The following ZPR1 variants were observed in gnomAD, a reference collection of about 807,000 sequenced individuals.
ZPR1 encodes zinc finger protein ZPR1.
Under a neutral mutation model 59.6 loss-of-function variants are expected in ZPR1, and 37 were observed. The observed-to-expected ratio is 0.62, with a 90% CI of 0.48 to 0.82. The LOEUF (loss-of-function observed/expected upper bound fraction) is 0.82, where lower values mean the gene tolerates loss of function less well. ZPR1 is among the 40% of genes least tolerant of loss of function. The probability of loss-of-function intolerance (pLI) is 0.00; values close to 1 mark genes in which losing one functional copy is unlikely to be tolerated. For synonymous variants in ZPR1, 191 were observed against 215.2 expected, an observed-to-expected ratio of 0.89 and a Z score of 0.99; for missense variants, 527 against 579.9, an observed-to-expected ratio of 0.91 and a Z score of 0.94.
Position 116,786,973 on chromosome 11 carries a change from T to A in ZPR1, c.420A>T (p.Lys140Asn), listed in dbSNP as rs1014776609. The A allele has an allele frequency of 1.2e-6, 2 of 1,614,002 alleles. No individual in the cohort carries two copies. The highest frequency in any genetic ancestry group is 1.7e-5 in the Admixed American group (1 of 60,032). Residue 140 changes from lysine to asparagine, a missense_variant, in exon 3 of 14, where the codon AAA becomes AAT. Transcript: ENST00000227322. ...ATACTCTGATCTTAAACTTACCTCC[T>A]TTCTGGCTAAAGGCAGGAATTTCAA... The part of the protein sequence containing the change: ...LDFEIPAFSQ[K>N]GALTTVEGLI...
intron 2 of ZPR1, 154 bp from the exon 3 acceptor site, chr11:116,787,213 G>A (rs1420331100): frequency 1.8e-5 from 13 of 725,804 alleles, no homozygotes; most frequent in Non-Finnish European, 2.8e-5. Flanking sequence ...GAATAGTACA[G>A]GTGGTGTGAG....
chr11:116,787,964 T>C lies in ZPR1; in HGVS notation c.27A>G (p.Pro9=). The C allele has an allele frequency of 5.5e-6, 8 of 1,452,012 alleles. No individual in the cohort carries two copies. The highest frequency in any genetic ancestry group is 7.2e-6 in the Non-Finnish European group (8 of 1,113,756). 89.9% of individuals were successfully genotyped at this position (1,452,012 alleles called of 1,614,324 possible). A position where few individuals can be genotyped will look rare whatever the true frequency, so the allele number is the denominator to read the frequency against. The part of the protein sequence containing the change: MAASGAVE[P]GPPGAAVAPS... ...GGGCGACGGCAGCCCCCGGGGGCCCTGGTTCCACAGCCCCGCTGGCCGCCA... is the reference window on the plus strand; with the variant it reads ...GGGCGACGGCAGCCCCCGGGGGCCCCGGTTCCACAGCCCCGCTGGCCGCCA... The change falls in exon 1 of 14, where the codon CCA becomes CCG. Residue 9 remains proline (P), a synonymous_variant. Transcript: ENST00000227322.
intron 12 of ZPR1, 92 bp downstream of exon 12, chr11:116,782,066 A>T: frequency 1.1e-6 from 1 of 872,630 alleles, no homozygotes; most frequent in Non-Finnish European, 1.8e-6. Flanking sequence ...CATGATGGTT[A>T]GATGTTCAAA....
At chr11:116,787,434 C>G (rs201110635) in intron 2 of ZPR1, 48 bp downstream of exon 2, 177 of 1,585,104 alleles carry the variant, frequency 1.1e-4, no homozygotes, top group Non-Finnish European at 1.4e-4. Context: ...ACCCCAGTAC[C>G]GAATCTCTCT....
In ZPR1 at chr11:116,787,065, A is replaced by G. The variant is rs1940899050; in HGVS notation, c.334-6T>C. 1 of 1,612,320 alleles carries G rather than the reference A, an allele frequency of 6.2e-7. No homozygotes were observed. The highest frequency in any genetic ancestry group is 1.1e-5 in the South Asian group (1 of 91,040). ...ACCACTTCTCTGTTCATGTCCTGGG[A>G]AGAAAAGAATACGTTCAGTACAAAG... On this transcript the variant is annotated splice_polypyrimidine_tract_variant and splice_region_variant and intron_variant, in intron 2 of 13. Coordinates refer to ENST00000227322, the MANE Select transcript of ZPR1 (RefSeq NM_003904.5).
At chr11:116,786,427 T>C in intron 4 of ZPR1, 84 bp downstream of exon 4, 1 of 1,492,718 alleles carries the variant, frequency 6.7e-7, no homozygotes, top group South Asian at 1.1e-5. Flanking sequence ...TTCCAACACT[T>C]AGTCAGAGAC....
At position 116,787,893 on chromosome 11, in the gene ZPR1, C is replaced by G; in HGVS notation, c.98G>C (p.Arg33Pro). 1 of 1,543,856 alleles carries G rather than the reference C, an allele frequency of 6.5e-7. No homozygotes were observed. Among genetic ancestry groups the G allele is most frequent in the South Asian group, 1.2e-5 (1 of 84,128 alleles). ...CTCCTCGTCCTCGGCGCTGATGGGC[C>G]GGAACAGGTGATCAGGGGCAGGCGG... ...APPPAPDHLF[R>P]PISAEDEEQQ... Residue 33 changes from arginine to proline, a missense_variant, in exon 1 of 14, where the codon CGG becomes CCG. Coordinates refer to ENST00000227322, the MANE Select transcript of ZPR1 (RefSeq NM_003904.5).
chr11:116,782,491 T>C lies in ZPR1; in HGVS notation c.1093-247A>G, dbSNP rs114919994. On this transcript the variant is annotated intron_variant, in intron 11 of 13. Coordinates refer to ENST00000227322, the MANE Select transcript of ZPR1 (RefSeq NM_003904.5). ...TTAGAATATGATCTCTGATACTAAT[T>C]TGGAGAAGAAATGCAAAGAAAAAGT... 6.2e-3 allele frequency among the ~76,000 whole-genome samples: 951 copies of C among 152,250 alleles called. 7 individuals are homozygous for C. The highest frequency in any genetic ancestry group is 0.021 in the African/African-American group (854 of 41,544).
In ZPR1 at chr11:116,786,555, T is replaced by C. The variant is rs943839018; in HGVS notation, c.451A>G (p.Thr151Ala). 1.9e-6 allele frequency: 3 copies of C among 1,614,028 alleles called. No homozygotes were observed. The African/African-American group carries it at 4.0e-5, about 22-fold the overall frequency. ...GALTTVEGLI[T>A]RAISGLEQDQ... ...TGCTCCAGGCCAGAGATAGCACGGG[T>C]GATCAATCCTTCAACAGTGGTCAGA... The change falls in exon 4 of 14, where the codon ACC (threonine) becomes GCC (alanine). Residue 151 changes from threonine (T) to alanine (A), a missense_variant. Coordinates refer to ENST00000227322, the MANE Select transcript of ZPR1 (RefSeq NM_003904.5).
intron 6 of ZPR1, 138 bp downstream of exon 6, chr11:116,785,376 A>G (rs1474262246): frequency 1.2e-5 from 16 of 1,334,876 alleles, no homozygotes; most frequent in South Asian, 1.1e-4. Context: ...AGTCCTGGAC[A>G]TAAGCAAGAT....
Position 116,782,974 on chromosome 11 carries a change from A to G in ZPR1, c.1037T>C (p.Val346Ala). The change falls in exon 11 of 14, where the codon GTC (valine) becomes GCC (alanine). Residue 346 changes from valine to alanine, a missense_variant. Transcript: ENST00000227322. Reference sequence around the variant, plus strand: ...CAGTGTGGTGAACTTGCCCCCGAGGACTGCCATTCCCAGTTCAAATTCTAG... The same window carrying G: ...CAGTGTGGTGAACTTGCCCCCGAGGGCTGCCATTCCCAGTTCAAATTCTAG... ...PELEFELGMA[V>A]LGGKFTTLEG... The G allele has an allele frequency of 6.2e-7, 1 of 1,614,202 alleles. No homozygotes were observed.
Position 116,785,252 on chromosome 11 carries a change from G to A in ZPR1, c.706-106C>T, listed in dbSNP as rs1940866562. 3.4e-5 allele frequency: 44 copies of A among 1,298,698 alleles called. No individual in the cohort carries two copies. The South Asian group carries it at 5.4e-4, about 16-fold the overall frequency. 80.4% of individuals were successfully genotyped at this position (1,298,698 alleles called of 1,614,324 possible). A position where few individuals can be genotyped will look rare whatever the true frequency, so the allele number is the denominator to read the frequency against. On this transcript the variant is annotated intron_variant, in intron 6 of 13. Coordinates refer to ENST00000227322, the MANE Select transcript of ZPR1 (RefSeq NM_003904.5). ...GCTCAGGTGCCACCTCATCAGTTAT[G>A]TCAGGTGCCACCTCATCAGTTAGAG...
chr11:116,786,492 T>A lies in ZPR1; in HGVS notation c.495+19A>T, dbSNP rs112096157. The A allele has an allele frequency of 6.2e-7, 1 of 1,614,122 alleles. No individual in the cohort carries two copies. The highest frequency in any genetic ancestry group is 8.5e-7 in the Non-Finnish European group (1 of 1,179,972). On this transcript the variant is annotated intron_variant, in intron 4 of 13. Transcript: ENST00000227322. ...GCAATTATTCCTTGAGCTGCTACAATCAGAAAACCCCAGCTTACCCTTCGT... is the reference window on the plus strand; with the variant it reads ...GCAATTATTCCTTGAGCTGCTACAAACAGAAAACCCCAGCTTACCCTTCGT...
Position 116,778,450 on chromosome 11 carries a change from GTCA to G in ZPR1, c.*472_*474del, listed in dbSNP as rs1238506421. ...ATACAGAGGCCAGTGCTGTTTGAAA[GTCA>G]TCATTTCAATGGTAACTCCTTCACT... On this transcript the variant is annotated 3_prime_UTR_variant, in exon 14 of 14. Coordinates refer to ENST00000227322, the MANE Select transcript of ZPR1 (RefSeq NM_003904.5). 6.3e-6 allele frequency: 1 copy of G among 158,036 alleles called. No homozygotes were observed. Among genetic ancestry groups the G allele is most frequent in the African/African-American group, 2.4e-5 (1 of 41,518 alleles). 9.8% of individuals were successfully genotyped at this position (158,036 alleles called of 1,614,324 possible).
chr11:116,784,246 C>T lies in ZPR1; in HGVS notation c.891+132G>A, dbSNP rs191743863. 808 of 844,882 alleles carry T rather than the reference C, an allele frequency of 9.6e-4. 2 individuals carry two copies. The African/African-American group carries it at 0.012, about 12-fold the overall frequency. The allele number at this position is 844,882 out of a possible 1,614,324, so 52.3% of individuals were successfully genotyped here. A position where few individuals can be genotyped will look rare whatever the true frequency, so the allele number is the denominator to read the frequency against. ...TCCTTCAAGGGCTCATCACCCTGCA[C>T]TAGACCTAAGAAAAAGACCCAAGCT... On this transcript the variant is annotated intron_variant, in intron 9 of 13. Coordinates refer to ENST00000227322, the MANE Select transcript of ZPR1 (RefSeq NM_003904.5).
rs1305383901 is a variant in ZPR1, at chr11:116,776,383, G to A, written c.*2542C>T. On this transcript the variant is annotated 3_prime_UTR_variant, in exon 14 of 14. Transcript: ENST00000227322. ...TTTACCTATAGATGTTATCCCTAGT[G>A]TCCTAATAGGGTTTAATCTATGATG... The A allele has an allele frequency of 6.6e-6, 1 of 152,104 alleles. No individual in the cohort carries two copies. The highest frequency in any genetic ancestry group is 1.9e-4 in the East Asian group (1 of 5,190). 9.4% of individuals were successfully genotyped at this position (152,104 alleles called of 1,614,324 possible). A position where few individuals can be genotyped will look rare whatever the true frequency, so the allele number is the denominator to read the frequency against.
Position 116,787,552 on chromosome 11 carries a change from G to A in ZPR1, c.263C>T (p.Thr88Met), listed in dbSNP as rs755823312. The change falls in exon 2 of 14, where the codon ACG (threonine) becomes ATG (methionine). Residue 88 changes from threonine (T) to methionine (M), a missense_variant. Coordinates refer to ENST00000227322, the MANE Select transcript of ZPR1 (RefSeq NM_003904.5). ...GATCCTGCCTGCCGACTGGATCTCC[G>A]TGTTGTTCCAGCCACAGTGCTCGCA... The part of the protein sequence containing the change: ...FSCEHCGWNN[T>M]EIQSAGRIQD... 1 of 1,614,222 alleles carries A rather than the reference G, an allele frequency of 6.2e-7. No individual in the cohort carries two copies. Among genetic ancestry groups the A allele is most frequent in the Non-Finnish European group, 8.5e-7 (1 of 1,180,034 alleles).
rs1260901055 is a variant in ZPR1, at chr11:116,778,767, T to A, written c.*158A>T. ...GCTCACACTTGCATCACAAGCTGTT[T>A]AGAAAGTGTGCACAGATCTCTGACT... On this transcript the variant is annotated 3_prime_UTR_variant, in exon 14 of 14. Coordinates refer to ENST00000227322, the MANE Select transcript of ZPR1 (RefSeq NM_003904.5). The A allele has an allele frequency of 4.4e-6, 4 of 910,508 alleles. No homozygotes were observed. Among genetic ancestry groups the A allele is most frequent in the Admixed American group, 3.1e-5 (1 of 32,680 alleles). 56.4% of individuals were successfully genotyped at this position (910,508 alleles called of 1,614,324 possible).
chr11:116,781,507 C>A (rs1565320581), intron 12 of ZPR1, among the ~76,000 whole-genome samples: 1 of 152,190 alleles, frequency 6.6e-6, no homozygotes, highest in Non-Finnish European at 1.5e-5. Flanking sequence ...GACCATAGTG[C>A]AGTCTTCGAA....
Sources: allele counts gnomAD v4.1 joint callset (sites outside exome capture counted in the v4.1 genomes callset), GRCh38; gene constraint gnomAD v4.1.1; transcripts MANE v1.5; gene names NCBI Gene and HGNC (gene_info 2026-07-23, HGNC 2026-07-21).